Variants in AGAP1 observed in about 807,000 individuals in gnomAD.
The protein encoded by AGAP1 is arf-GAP with GTPase, ANK repeat and PH domain-containing protein 1.
A neutral mutation model predicts 105.3 loss-of-function variants in AGAP1; 29 were observed. The observed-to-expected ratio is 0.28, with a 90% CI of 0.21 to 0.38. AGAP1 has a LOEUF of 0.38. AGAP1 is among the 10% of genes least tolerant of loss of function. The pLI, the probability that AGAP1 is intolerant of heterozygous loss-of-function variation, is 1.00. For synonymous variants in AGAP1, 509 were observed against 485.9 expected (o/e 1.05, Z -0.63); for missense variants, 998 against 1,165.1 (o/e 0.86, Z 2.09).
intron 12 of AGAP1, among the ~76,000 whole-genome samples, chr2:235,966,535 C>T (rs562079814): frequency 2.4e-4 from 37 of 152,258 alleles, no homozygotes; most frequent in South Asian, 6.2e-4. Context: ...GAAGCACCTC[C>T]TGCCTGGTAG....
In AGAP1 at chr2:235,988,061, A is replaced by G. The variant is rs2125440017; in HGVS notation, c.1645+19438A>G. Among the ~76,000 whole-genome samples the G allele has an allele frequency of 6.6e-6, 1 of 152,284 alleles. No homozygotes were observed. Among genetic ancestry groups the G allele is most frequent in the South Asian group, 2.1e-4 (1 of 4,818 alleles). ...TTCGTTTGTTCTGTTTTGTTTTTTG[A>G]AACAAGAGTCTCACTCTGTTGCCCA... On this transcript the variant is annotated intron_variant, in intron 13 of 17. Coordinates refer to ENST00000304032, the MANE Select transcript of AGAP1 (RefSeq NM_001037131.3). This position sits in a 1 kb window ranked among gnomAD's most constrained non-coding sequence, Gnocchi z 4.7.
At chr2:235,944,094 T>G (rs1411765873) in intron 12 of AGAP1, among the ~76,000 whole-genome samples, 3 of 152,248 alleles carry the variant, frequency 2.0e-5, no homozygotes, top group African/African-American at 7.2e-5. Context: ...ATTGCTACAT[T>G]ATTTCTGCAG....
intron 14 of AGAP1, among the ~76,000 whole-genome samples, chr2:236,039,570 T>C (rs1351197899): frequency 6.6e-6 from 1 of 152,222 alleles, no homozygotes; most frequent in Non-Finnish European, 1.5e-5. Flanking sequence ...TACAGCATCG[T>C]TTATGATAGA....
intron 1 of AGAP1, among the ~76,000 whole-genome samples, chr2:235,651,527 AAT>A (rs1947593847): frequency 6.6e-6 from 1 of 152,204 alleles, no homozygotes; most frequent in Admixed American, 6.5e-5. Flanking sequence ...AAAACCAATT[AAT>A]CTGAAACGCT....
chr2:235,554,444 C>A (rs547552107), intron 1 of AGAP1, among the ~76,000 whole-genome samples: 2 of 152,178 alleles, frequency 1.3e-5, no homozygotes, highest in East Asian at 3.9e-4. Context: ...GGAAAGAAAA[C>A]GCCAGGCCAT....
chr2:235,734,745 T>C lies in AGAP1; in HGVS notation c.311-6218T>C, dbSNP rs960329968. On this transcript the variant is annotated intron_variant, in intron 3 of 17. Transcript: ENST00000304032. The surrounding 1 kb of genome is among the most constrained non-coding windows in gnomAD (Gnocchi z 5.3). ...TGTTTGATGTTGGCCCTGTGGATGC[T>C]GCAAAACGCAGCAAACACGGAGGCT... 4.6e-5 allele frequency among the ~76,000 whole-genome samples: 7 copies of C among 152,326 alleles called. No homozygotes were observed. The highest frequency in any genetic ancestry group is 3.4e-3 in the Middle Eastern group (1 of 294).
At position 235,752,054 on chromosome 2, in the gene AGAP1, T is replaced by A. The variant is rs1953487054; in HGVS notation, c.673+1566T>A. Among the ~76,000 whole-genome samples the A allele has an allele frequency of 6.6e-6, 1 of 152,148 alleles. No homozygotes were observed. Among genetic ancestry groups the A allele is most frequent in the African/African-American group, 2.4e-5 (1 of 41,442 alleles). ...TAGAGCTCTTCTGAGAGGTGCACCC[T>A]AATGGAGCAAGGTCACTGTCGGCCG... On this transcript the variant is annotated intron_variant, in intron 6 of 17. Coordinates refer to ENST00000304032, the MANE Select transcript of AGAP1 (RefSeq NM_001037131.3). The surrounding 1 kb of genome is among the most constrained non-coding windows in gnomAD (Gnocchi z 4.3).
Position 235,754,474 on chromosome 2 carries a change from T to C in AGAP1, c.673+3986T>C, listed in dbSNP as rs1205240582. On this transcript the variant is annotated intron_variant, in intron 6 of 17. Coordinates refer to ENST00000304032, the MANE Select transcript of AGAP1 (RefSeq NM_001037131.3). This position sits in a 1 kb window ranked among gnomAD's most constrained non-coding sequence, Gnocchi z 4.6. ...TGCTTCCATTGCCCTGCGGAGGCCATGTTCCTGATTGGCTCTGTACCGAGG... is the reference window on the plus strand; with the variant it reads ...TGCTTCCATTGCCCTGCGGAGGCCACGTTCCTGATTGGCTCTGTACCGAGG... 2.6e-5 allele frequency among the ~76,000 whole-genome samples: 4 copies of C among 151,754 alleles called. No individual in the cohort carries two copies. Among genetic ancestry groups the C allele is most frequent in the Non-Finnish European group, 5.9e-5 (4 of 67,986 alleles).
At chr2:235,524,653 C>A (rs983754493) in intron 1 of AGAP1, 1 of 171,784 alleles carries the variant, frequency 5.8e-6, no homozygotes, top group African/African-American at 2.4e-5. Flanking sequence ...GGATGCCTAA[C>A]AACAGCTCCT....
At chr2:235,770,998 G>A (rs992712331) in intron 6 of AGAP1, among the ~76,000 whole-genome samples, 15 of 152,166 alleles carry the variant, frequency 9.9e-5, no homozygotes, top group Non-Finnish European at 2.2e-4. Flanking sequence ...GAGGGAGAAG[G>A]GTCCACGTGG....
chr2:235,671,686 G>A (rs1948440579), intron 1 of AGAP1, among the ~76,000 whole-genome samples: 1 of 152,208 alleles, frequency 6.6e-6, no homozygotes, highest in Non-Finnish European at 1.5e-5. Context: ...AGGAGAGCGA[G>A]TCTGGGACTG....
rs534957103 is a variant in AGAP1 at position 235,549,638 on chromosome 2, A to C, written c.163+54789A>C. Among the ~76,000 whole-genome samples the C allele has an allele frequency of 4.9e-4, 75 of 152,270 alleles. 1 individual carries two copies. Among genetic ancestry groups the C allele is most frequent in the African/African-American group, 1.6e-3 (65 of 41,550 alleles). On this transcript the variant is annotated intron_variant, in intron 1 of 17. Coordinates refer to ENST00000304032, the MANE Select transcript of AGAP1 (RefSeq NM_001037131.3). The surrounding 1 kb of genome is among the most constrained non-coding windows in gnomAD (Gnocchi z 4.2). ...TCTTTAAAACTCCTTGGCACCATCT[A>C]ATTTTTTAAAAATGAGCCTAATACT...
intron 16 of AGAP1, among the ~76,000 whole-genome samples, chr2:236,072,114 C>T (rs71423698): frequency 7.1e-6 from 1 of 141,090 alleles, no homozygotes; most frequent in African/African-American, 2.6e-5. Context: ...CAAAAGTAGT[C>T]TTCGTTGTGG....
In AGAP1 at chr2:235,659,050, C is replaced by T. The variant is rs993387348; in HGVS notation, c.164-50129C>T. ...CCTTTGAGAGGCCCTCCATTGTTCCCGCCCTGCCAACTTCCACGCCAGCCT... is the reference window on the plus strand; with the variant it reads ...CCTTTGAGAGGCCCTCCATTGTTCCTGCCCTGCCAACTTCCACGCCAGCCT... On this transcript the variant is annotated intron_variant, in intron 1 of 17. Coordinates refer to ENST00000304032, the MANE Select transcript of AGAP1 (RefSeq NM_001037131.3). This position sits in a 1 kb window ranked among gnomAD's most constrained non-coding sequence, Gnocchi z 5.0. Among the ~76,000 whole-genome samples the T allele has an allele frequency of 4.6e-5, 7 of 152,180 alleles. No individual in the cohort carries two copies. The highest frequency in any genetic ancestry group is 6.5e-5 in the Admixed American group (1 of 15,282).
intron 8 of AGAP1, among the ~76,000 whole-genome samples, chr2:235,802,870 ATGC>A (rs1340847876): frequency 1.4e-4 from 13 of 95,472 alleles, no homozygotes; most frequent in African/African-American, 5.0e-4. Flanking sequence ...GATGGTGATG[ATGC>A]TGCTTGTGGT....
intron 12 of AGAP1, among the ~76,000 whole-genome samples, chr2:235,940,359 CCA>C (rs1360138769): frequency 3.3e-5 from 5 of 152,196 alleles, no homozygotes; most frequent in Non-Finnish European, 5.9e-5. Flanking sequence ...AGCCAGATTG[CCA>C]CTCCCCACAC....
intron 10 of AGAP1, among the ~76,000 whole-genome samples, chr2:235,898,284 T>C (rs572480938): frequency 6.6e-6 from 1 of 152,292 alleles, no homozygotes; most frequent in East Asian, 1.9e-4. Flanking sequence ...GAACGGGGCC[T>C]TTTGTTTTTC....
chr2:236,102,481 A>G (rs991349666), intron 16 of AGAP1, among the ~76,000 whole-genome samples: 2 of 149,634 alleles, frequency 1.3e-5, no homozygotes, highest in Middle Eastern at 3.2e-3. Flanking sequence ...CCAGCTACTC[A>G]GGAGACTGAG....
At chr2:235,580,352 A>G (rs1316574138) in intron 1 of AGAP1, among the ~76,000 whole-genome samples, 6 of 152,118 alleles carry the variant, frequency 3.9e-5, no homozygotes, top group Non-Finnish European at 7.4e-5. Flanking sequence ...GGTGAGAATG[A>G]AGACGTGCCG....
Sources: gnomAD v4.1 joint callset for allele counts (sites outside exome capture counted in the v4.1 genomes callset) on GRCh38, gnomAD v4.1.1 for gene constraint, Gnocchi (gnomAD v3.1) non-coding constraint, MANE v1.5 for transcripts, NCBI Gene and HGNC (gene_info 2026-07-23, HGNC 2026-07-21) for gene names.